The following LUZP2 variants were observed in gnomAD, a reference collection of about 807,000 sequenced individuals.
LUZP2 encodes leucine zipper protein 2.
In LUZP2, 52 loss-of-function variants were observed where a neutral mutation model predicts 51.6. That is an observed-to-expected ratio of 1.01 (90% CI 0.81 to 1.27). The LOEUF (loss-of-function observed/expected upper bound fraction) is 1.27, where lower values mean the gene tolerates loss of function less well. Among genes scored for constraint, LUZP2 ranks in the 50% most tolerant of loss-of-function variants. The probability of loss-of-function intolerance (pLI) is 0.00; values close to 1 mark genes in which losing one functional copy is unlikely to be tolerated. For synonymous variants in LUZP2, 154 were observed against 137.3 expected (o/e 1.12, Z -0.85); for missense variants, 436 against 395.4 (o/e 1.10, Z -0.87).
At chr11:25,045,386 T>C (rs1331154652) in intron 9 of LUZP2, among the ~76,000 whole-genome samples, 6 of 145,592 alleles carry the variant, frequency 4.1e-5, no homozygotes, top group African/African-American at 1.5e-4. Context: ...AAAGAATAAC[T>C]GAAAAAAAAA....
At chr11:24,813,491 GAGAGAGAGAA>G (rs1303303010) in intron 5 of LUZP2, among the ~76,000 whole-genome samples, 1 of 152,176 alleles carries the variant, frequency 6.6e-6, no homozygotes, top group Non-Finnish European at 1.5e-5. Context: ...TGGAGCAAGA[GAGAGAGAGAA>G]AGAGAGAGAG....
intron 1 of LUZP2, among the ~76,000 whole-genome samples, chr11:24,586,054 A>G (rs1426094501): frequency 2.6e-5 from 4 of 152,124 alleles, no homozygotes; most frequent in Non-Finnish European, 4.4e-5. Context: ...TATTAGCTCC[A>G]ATCACTTTTC....
At chr11:24,500,399 G>A (rs963896391) in intron 1 of LUZP2, among the ~76,000 whole-genome samples, 1 of 152,134 alleles carries the variant, frequency 6.6e-6, no homozygotes, top group Non-Finnish European at 1.5e-5. Context: ...TGTGATCAAA[G>A]AAAGCAAACA....
rs75289718 is a variant in LUZP2, at chr11:24,813,519, G to T, written c.396+50211G>T. Among the ~76,000 whole-genome samples the T allele has an allele frequency of 6.5e-3, 989 of 152,250 alleles. 56 individuals carry two copies. In the East Asian group the frequency reaches 0.15, roughly 22 times the overall value. On this transcript the variant is annotated intron_variant, in intron 5 of 11. Transcript: ENST00000336930. Reference sequence around the variant, plus strand: ...AGAGAGAAAGAGAGAGAGAAAAAGGGAGTCAGGGGTGGTGCCACACACTTT... The same window carrying T: ...AGAGAGAAAGAGAGAGAGAAAAAGGTAGTCAGGGGTGGTGCCACACACTTT...
At chr11:24,875,392 G>A (rs1283077464) in intron 5 of LUZP2, among the ~76,000 whole-genome samples, 1 of 147,718 alleles carries the variant, frequency 6.8e-6, no homozygotes, top group Non-Finnish European at 1.5e-5. Flanking sequence ...TGAGAATGAT[G>A]ATTTCCAATT....
At chr11:24,998,146 A>G (rs1484489299) in intron 9 of LUZP2, among the ~76,000 whole-genome samples, 2 of 152,080 alleles carry the variant, frequency 1.3e-5, no homozygotes, top group Non-Finnish European at 2.9e-5. Flanking sequence ...GTTTTTTCCA[A>G]TTCTGTGAAG....
intron 9 of LUZP2, among the ~76,000 whole-genome samples, chr11:25,003,283 TA>T (rs2133946189): frequency 6.6e-6 from 1 of 152,318 alleles, no homozygotes; most frequent in African/African-American, 2.4e-5. Context: ...GGGCTATCCC[TA>T]AACCCTTGGG....
chr11:24,566,295 ATTAT>A (rs974129146), intron 1 of LUZP2, among the ~76,000 whole-genome samples: 14 of 148,846 alleles, frequency 9.4e-5, no homozygotes, highest in Non-Finnish European at 1.8e-4. Flanking sequence ...AACATTATTT[ATTAT>A]TTATTTATTT....
intron 1 of LUZP2, among the ~76,000 whole-genome samples, chr11:24,522,508 G>C (rs1457247491): frequency 6.6e-6 from 1 of 152,092 alleles, no homozygotes; most frequent in Non-Finnish European, 1.5e-5. Context: ...TAGTCTGAAA[G>C]TCCTTTGAGG....
At chr11:24,581,315 A>T (rs1852845979) in intron 1 of LUZP2, among the ~76,000 whole-genome samples, 1 of 152,148 alleles carries the variant, frequency 6.6e-6, no homozygotes, top group South Asian at 2.1e-4. Flanking sequence ...GCATCTCCAA[A>T]ACTCTACATT....
chr11:24,751,481 T>C (rs1377019488), intron 4 of LUZP2: 21 of 526,508 alleles, frequency 4.0e-5, no homozygotes, highest in Non-Finnish European at 4.9e-5. Flanking sequence ...CTCAGGCCTC[T>C]CCTGTCATCA....
chr11:24,897,313 T>C (rs1242267376), intron 5 of LUZP2, among the ~76,000 whole-genome samples: 52 of 152,188 alleles, frequency 3.4e-4, no homozygotes, highest in Admixed American at 3.3e-3. Flanking sequence ...GAGCCAGTAG[T>C]AGCAACCCGC....
chr11:24,977,847 T>C (rs529061358), intron 8 of LUZP2, among the ~76,000 whole-genome samples: 2 of 151,166 alleles, frequency 1.3e-5, no homozygotes, highest in South Asian at 2.1e-4. Context: ...GATATTTACT[T>C]GATATTTATT....
chr11:25,063,786 C>T (rs1430581258), intron 10 of LUZP2, among the ~76,000 whole-genome samples: 1 of 151,756 alleles, frequency 6.6e-6, no homozygotes, highest in East Asian at 1.9e-4. Context: ...ATTTATTGAA[C>T]ATGTAATGTG....
rs183963895 is a variant in LUZP2 at position 25,028,992 on chromosome 11, A to G, written c.766-21046A>G. Among the ~76,000 whole-genome samples, 263 of 152,352 alleles carry G rather than the reference A, an allele frequency of 1.7e-3. 1 individual carries two copies. Among genetic ancestry groups the G allele is most frequent in the African/African-American group, 5.6e-3 (232 of 41,598 alleles). ...ATAAGCCAGGCACGGAAAGACAAGC[A>G]TCACATGTTCTCACATATTTGTGGG... On this transcript the variant is annotated intron_variant, in intron 9 of 11. Coordinates refer to ENST00000336930, the MANE Select transcript of LUZP2 (RefSeq NM_001009909.4).
chr11:24,541,853 C>A (rs3898055), intron 1 of LUZP2, among the ~76,000 whole-genome samples: 1 of 151,742 alleles, frequency 6.6e-6, no homozygotes, highest in African/African-American at 2.4e-5. Flanking sequence ...TCCAAAAATT[C>A]TAAAATTAAG....
At chr11:25,019,117 T>C (rs11028354) in intron 9 of LUZP2, among the ~76,000 whole-genome samples, 88,779 of 151,888 alleles carry the variant, frequency 0.58, 27,164 homozygotes, top group African/African-American at 0.77. Context: ...GTCTATATTT[T>C]ACATTAGCGT....
At chr11:24,910,541 C>T (rs1245580905) in intron 6 of LUZP2, among the ~76,000 whole-genome samples, 1 of 152,216 alleles carries the variant, frequency 6.6e-6, no homozygotes, top group Non-Finnish European at 1.5e-5. Flanking sequence ...CGGTACATCT[C>T]AGACCATTAA....
chr11:24,815,473 G>C (rs1364849707), intron 5 of LUZP2, among the ~76,000 whole-genome samples: 2 of 152,174 alleles, frequency 1.3e-5, no homozygotes, highest in Non-Finnish European at 2.9e-5. Flanking sequence ...CGTCTTTAGT[G>C]AGGAATTTTA....
Sources: allele counts gnomAD v4.1 joint callset (sites outside exome capture counted in the v4.1 genomes callset), GRCh38; gene constraint gnomAD v4.1.1; transcripts MANE v1.5; gene names NCBI Gene and HGNC (gene_info 2026-07-23, HGNC 2026-07-21).